Variants in CCL23 observed in about 807,000 individuals in gnomAD.
The protein encoded by CCL23 is C-C motif chemokine 23.
A neutral mutation model predicts 11.8 loss-of-function variants in CCL23; 10 were observed. That is an observed-to-expected ratio of 0.84 (90% CI 0.52 to 1.43). CCL23 has a LOEUF of 1.43. Among genes scored for constraint, CCL23 ranks in the 40% most tolerant of loss-of-function variants. CCL23 has a pLI of 0.00. For synonymous variants in CCL23, 60 were observed against 61.0 expected, an observed-to-expected ratio of 0.98 and a Z score of 0.07; for missense variants, 181 against 170.9, an observed-to-expected ratio of 1.06 and a Z score of -0.33.
At chr17:36,016,674 T>C (rs940196261) in intron 1 of CCL23, among the ~76,000 whole-genome samples, 3 of 150,782 alleles carry the variant, frequency 2.0e-5, no homozygotes, top group Admixed American at 2.0e-4. Flanking sequence ...TGTGTACTTT[T>C]CATATATTTA....
intron 1 of CCL23, among the ~76,000 whole-genome samples, chr17:36,017,471 C>G (rs1213762578): frequency 6.6e-6 from 1 of 152,152 alleles, no homozygotes; most frequent in Non-Finnish European, 1.5e-5. Flanking sequence ...TGGTATGTAA[C>G]AGTTTTAGCA....
chr17:36,014,519 C>T (rs559321014), intron 1 of CCL23, 126 bp from the exon 2 acceptor site: 1 of 731,278 alleles, frequency 1.4e-6, no homozygotes, highest in African/African-American at 1.7e-5. Flanking sequence ...ACCACCACCA[C>T]CTGTCTGGGC....
chr17:36,017,734 G>T, intron 1 of CCL23, 88 bp downstream of exon 1: 1 of 1,169,762 alleles, frequency 8.5e-7, no homozygotes, highest in Non-Finnish European at 1.3e-6. Flanking sequence ...CTGGGATGGA[G>T]AGTAGTTACA....
rs1477013475 is a variant in CCL23, at chr17:36,013,855, A to AAT, written c.189_190dup (p.Phe64TyrfsTer61). 6.2e-7 allele frequency: 1 copy of AAT among 1,614,128 alleles called. No individual in the cohort carries two copies. Among genetic ancestry groups the AAT allele is most frequent in the South Asian group, 1.1e-5 (1 of 91,082 alleles). ...GCAGCAGTCAGCACTAGTAGCATGGAATCCTGCAGCATGAGAAAGGGTCAT... is the reference window on the plus strand; with the variant it reads ...GCAGCAGTCAGCACTAGTAGCATGGAATATCCTGCAGCATGAGAAAGGGTCAT... On this transcript the variant is annotated frameshift_variant, in exon 3 of 4. Coordinates refer to ENST00000615050, the MANE Select transcript of CCL23 (RefSeq NM_005064.6). LOFTEE classifies it high-confidence loss of function.
Position 36,013,319 on chromosome 17 carries a change from A to AG in CCL23, c.303-12dup. 1.3e-6 allele frequency: 2 copies of AG among 1,583,276 alleles called. No individual in the cohort carries two copies. Among genetic ancestry groups the AG allele is most frequent in the Non-Finnish European group, 1.7e-6 (2 of 1,153,008 alleles). On this transcript the variant is annotated splice_polypyrimidine_tract_variant and intron_variant, in intron 3 of 3. Coordinates refer to ENST00000615050, the MANE Select transcript of CCL23 (RefSeq NM_005064.6). ...TTCTTGGTGAGGAAGCTAGGGAACA[A>AG]GGGGGAGAAAAGTTACAAACTGAGG...
chr17:36,016,587 G>A (rs1465406308), intron 1 of CCL23, among the ~76,000 whole-genome samples: 1 of 151,848 alleles, frequency 6.6e-6, no homozygotes, highest in Non-Finnish European at 1.5e-5. Flanking sequence ...TGGGCATTTG[G>A]GTTGGTTTCA....
At chr17:36,014,042 G>C (rs1719204) in intron 2 of CCL23, 133 bp from the exon 3 acceptor site, 225,008 of 884,368 alleles carry the variant, frequency 0.25, 40,710 homozygotes, top group African/African-American at 0.8. Flanking sequence ...GGGTGGGCCA[G>C]AGCAGGACCA....
At chr17:36,014,017 G>A in intron 2 of CCL23, 108 bp from the exon 3 acceptor site, 1 of 1,153,610 alleles carries the variant, frequency 8.7e-7, no homozygotes, top group South Asian at 1.4e-5. Flanking sequence ...TGAGCTGTGT[G>A]TCTGAGGGCA....
intron 1 of CCL23, 128 bp downstream of exon 1, chr17:36,017,694 G>T (rs2090107826): frequency 2.4e-6 from 2 of 840,958 alleles, no homozygotes; most frequent in Non-Finnish European, 3.9e-6. Context: ...ATACTCTGGT[G>T]CTGCTTTTAA....
intron 3 of CCL23, 133 bp from the exon 4 acceptor site, chr17:36,013,441 C>T (rs956928785): frequency 5.3e-5 from 34 of 635,744 alleles, no homozygotes; most frequent in Middle Eastern, 8.4e-4. Flanking sequence ...TTTTCATTCT[C>T]TGCTGATGGC....
intron 2 of CCL23, 152 bp from the exon 3 acceptor site, chr17:36,014,061 T>A (rs2090079180): frequency 2.6e-6 from 2 of 780,610 alleles, no homozygotes; most frequent in East Asian, 5.4e-5. Context: ...CAGGAAAATT[T>A]CCCCTAGAAG....
At chr17:36,017,007 A>G (rs1168112281) in intron 1 of CCL23, among the ~76,000 whole-genome samples, 2 of 152,010 alleles carry the variant, frequency 1.3e-5, no homozygotes, top group Non-Finnish European at 2.9e-5. Flanking sequence ...GTATATTTTA[A>G]TATGCTCAAT....
At chr17:36,013,632 C>T in intron 3 of CCL23, 112 bp downstream of exon 3, 2 of 1,030,450 alleles carry the variant, frequency 1.9e-6, no homozygotes, top group Non-Finnish European at 3.0e-6. Context: ...TGCCCCATAC[C>T]TGGCAGGATC....
intron 3 of CCL23, 44 bp from the exon 4 acceptor site, chr17:36,013,352 A>G: frequency 3.1e-6 from 4 of 1,299,704 alleles, no homozygotes; most frequent in Non-Finnish European, 4.4e-6. Context: ...AGGTGTGTCC[A>G]GCACATGGGG....
rs2090110593 is a variant in CCL23, at chr17:36,017,960, G to A, written c.-63C>T. On this transcript the variant is annotated 5_prime_UTR_variant, in exon 1 of 4. Coordinates refer to ENST00000615050, the MANE Select transcript of CCL23 (RefSeq NM_005064.6). ...GGGCTCACTGCTTCCTGGCTTCTCG[G>A]GATGCCAGTTCTGCCCTTGTATTTA... 2.1e-5 allele frequency: 33 copies of A among 1,577,652 alleles called. No individual in the cohort carries two copies. The highest frequency in any genetic ancestry group is 2.7e-5 in the Non-Finnish European group (31 of 1,154,736).
Position 36,014,404 on chromosome 17 carries a change from C to T in CCL23, c.77-11G>A. 1 of 1,609,746 alleles carries T rather than the reference C, an allele frequency of 6.2e-7. No individual in the cohort carries two copies. The highest frequency in any genetic ancestry group is 8.5e-7 in the Non-Finnish European group (1 of 1,176,024). On this transcript the variant is annotated splice_polypyrimidine_tract_variant and intron_variant, in intron 1 of 3. Coordinates refer to ENST00000615050, the MANE Select transcript of CCL23 (RefSeq NM_005064.6). ...ACTCTGTCTCTGCATCTGGAAGAAG[C>T]AGACAGGACAGGGAAGGAAATCACT...
In CCL23 at chr17:36,013,822, T is replaced by C. The variant is rs2142024358; in HGVS notation, c.224A>G (p.Tyr75Cys). Reference protein sequence around the residue: ...HATSADCCISYTPRSIPCSLL... With the variant: ...HATSADCCISCTPRSIPCSLL... Reference sequence around the variant, plus strand: ...TGAACACGGGATGCTTCGTGGGGTGTAGGAGATGCAGCAGTCAGCACTAGT... The same window carrying C: ...TGAACACGGGATGCTTCGTGGGGTGCAGGAGATGCAGCAGTCAGCACTAGT... Residue 75 changes from tyrosine (Y) to cysteine (C), a missense_variant, in exon 3 of 4, where the codon TAC (tyrosine) becomes TGC (cysteine). Tyr to Cys is a radical substitution (Grantham distance 194). Transcript: ENST00000615050. The C allele has an allele frequency of 6.2e-7, 1 of 1,614,122 alleles. No individual in the cohort carries two copies. Among genetic ancestry groups the C allele is most frequent in the East Asian group, 2.2e-5 (1 of 44,876 alleles).
rs376461800 is a variant in CCL23, at chr17:36,014,839, A to G, written c.77-446T>C. ...TTTATCCCAGTTAGTAGAAATATTC[A>G]TGTGTTTGTTACAGGAGGTTGCTGT... On this transcript the variant is annotated intron_variant, in intron 1 of 3. Transcript: ENST00000615050. 1.7e-4 allele frequency among the ~76,000 whole-genome samples: 26 copies of G among 152,268 alleles called. 1 individual carries two copies. The East Asian group carries it at 3.7e-3, about 21-fold the overall frequency.
In CCL23 at chr17:36,014,328, A is replaced by C. The variant is rs1256356884; in HGVS notation, c.136+6T>G. The C allele has an allele frequency of 6.2e-7, 1 of 1,603,946 alleles. No individual in the cohort carries two copies. Among genetic ancestry groups the C allele is most frequent in the African/African-American group, 1.3e-5 (1 of 74,728 alleles). On this transcript the variant is annotated splice_donor_region_variant and intron_variant, in intron 2 of 3. Transcript: ENST00000615050. ...TTTTAAATATATGCCGTATCTGATC[A>C]CTTACTGTCCAGAAGTACTGGATTT...
Sources: gnomAD v4.1 joint callset for allele counts (sites outside exome capture counted in the v4.1 genomes callset) on GRCh38, gnomAD v4.1.1 for gene constraint, MANE v1.5 for transcripts, NCBI Gene and HGNC (gene_info 2026-07-23, HGNC 2026-07-21) for gene names.